Variants in ADAMTS14 observed in about 807,000 individuals in gnomAD.
ADAMTS14 encodes A disintegrin and metalloproteinase with thrombospondin motifs 14.
A neutral mutation model predicts 128.6 loss-of-function variants in ADAMTS14; 100 were observed. That is an observed-to-expected ratio of 0.78 (90% CI 0.66 to 0.92). The LOEUF is 0.92. Ranked by LOEUF, ADAMTS14 falls within the 40% of genes least tolerant of loss-of-function variation. The pLI, the probability that ADAMTS14 is intolerant of heterozygous loss-of-function variation, is 0.00. For synonymous variants in ADAMTS14, 665 were observed against 653.8 expected (o/e 1.02, Z -0.26); for missense variants, 1,562 against 1,658.6 (o/e 0.94, Z 1.01).
At chr10:70,725,550 G>A (rs1158650406) in intron 4 of ADAMTS14, among the ~76,000 whole-genome samples, 2 of 152,194 alleles carry the variant, frequency 1.3e-5, no homozygotes, top group Non-Finnish European at 2.9e-5. Flanking sequence ...CATAGATGGT[G>A]ACTTCTCACT....
intron 15 of ADAMTS14, among the ~76,000 whole-genome samples, 186 bp from the exon 16 acceptor site, chr10:70,749,636 T>TGTGTGTGTGC (rs1491491341): frequency 6.9e-6 from 1 of 145,926 alleles, no homozygotes; most frequent in South Asian, 2.1e-4. Flanking sequence ...TGTGTGTGTG[T>TGTGTGTGTGC]GCGCGCACGT....
At chr10:70,700,700 A>G (rs1041374402) in intron 2 of ADAMTS14, among the ~76,000 whole-genome samples, 4 of 152,108 alleles carry the variant, frequency 2.6e-5, no homozygotes, top group African/African-American at 9.7e-5. Flanking sequence ...AACCTGATGG[A>G]TAGTCATCCT....
chr10:70,758,700 G>A (rs1309150099), intron 21 of ADAMTS14, among the ~76,000 whole-genome samples: 2 of 152,140 alleles, frequency 1.3e-5, no homozygotes, highest in Admixed American at 1.3e-4. Context: ...AATATTTTCA[G>A]ACAAGCAATT....
chr10:70,724,839 C>T (rs574258047), intron 4 of ADAMTS14, among the ~76,000 whole-genome samples: 43 of 152,220 alleles, frequency 2.8e-4, no homozygotes, highest in Admixed American at 8.5e-4. Flanking sequence ...TTTTTATCAT[C>T]CTTATTTAGT....
In ADAMTS14 at chr10:70,749,809, C is replaced by T; in HGVS notation, c.2264-13C>T. The stretch of plus-strand genomic sequence containing the variant: ...AGCAGAAATCTGTGTGACCCTCTCC[C>T]CCCACCGGTCAGTGGTGAAGAACCA... On this transcript the variant is annotated splice_polypyrimidine_tract_variant and intron_variant, in intron 15 of 21. Coordinates refer to ENST00000373207, the MANE Select transcript of ADAMTS14 (RefSeq NM_080722.4). 6.2e-7 allele frequency: 1 copy of T among 1,612,950 alleles called. No homozygotes were observed. The highest frequency in any genetic ancestry group is 8.5e-7 in the Non-Finnish European group (1 of 1,179,382).
chr10:70,729,433 G>A, intron 5 of ADAMTS14, 56 bp downstream of exon 5: 1 of 1,437,320 alleles, frequency 7.0e-7, no homozygotes. Context: ...TGGGGCCAGA[G>A]TGTTGGACCA....
intron 2 of ADAMTS14, among the ~76,000 whole-genome samples, chr10:70,694,394 C>T (rs1041426519): frequency 7.2e-5 from 11 of 152,174 alleles, no homozygotes; most frequent in African/African-American, 2.7e-4. Context: ...CCACGCAATT[C>T]GCCCATTTAA....
rs267602564 is a variant in ADAMTS14, at chr10:70,738,964, C to T, written c.1722C>T (p.Ser574=). 6.2e-7 allele frequency: 1 copy of T among 1,612,416 alleles called. No individual in the cohort carries two copies. The highest frequency in any genetic ancestry group is 1.1e-5 in the South Asian group (1 of 90,966). The stretch of plus-strand genomic sequence containing the variant: ...GGTCATGTGGGGGCGGGGTGCGATC[C>T]CGCAGCCGGAGCTGCAACAACCCCT... The part of the protein sequence containing the change: ...CSRSCGGGVR[S]RSRSCNNPSP... The change falls in exon 11 of 22, where the codon TCC becomes TCT. Residue 574 remains serine, a synonymous_variant. Transcript: ENST00000373207.
At position 70,759,129 on chromosome 10, in the gene ADAMTS14, T is replaced by TTTTTTTTTGAG. The variant is rs1485675752; in HGVS notation, c.3178+844_3178+845insTTTTTTTTGAG. Among the ~76,000 whole-genome samples, 3 of 112,610 alleles carry TTTTTTTTTGAG rather than the reference T, an allele frequency of 2.7e-5. 1 individual carries two copies. Among genetic ancestry groups the TTTTTTTTTGAG allele is most frequent in the Non-Finnish European group, 5.6e-5 (3 of 53,802 alleles). The allele number at this position is 112,610 out of a possible 152,430, so 73.9% of individuals were successfully genotyped here. A position where few individuals can be genotyped will look rare whatever the true frequency, so the allele number is the denominator to read the frequency against. ...AAAGGACCTTCTACCTCCAATCTTC[T>TTTTTTTTTGAG]ACTTCTCTGCTCCTAGGCTGAGGTT... On this transcript the variant is annotated intron_variant, in intron 21 of 21. Transcript: ENST00000373207.
chr10:70,733,863 T>G, intron 7 of ADAMTS14, 22 bp from the exon 8 acceptor site: 1 of 1,604,262 alleles, frequency 6.2e-7, no homozygotes, highest in East Asian at 2.2e-5. Context: ...GTATCAGGAC[T>G]CCTCTGTCTT....
intron 12 of ADAMTS14, among the ~76,000 whole-genome samples, chr10:70,742,003 G>C (rs760743690): frequency 2.6e-5 from 4 of 152,172 alleles, no homozygotes; most frequent in Non-Finnish European, 5.9e-5. Flanking sequence ...CCATCAGGAC[G>C]GGCTTTCCTC....
intron 8 of ADAMTS14, among the ~76,000 whole-genome samples, chr10:70,734,929 G>T (rs899298780): frequency 1.3e-5 from 2 of 152,208 alleles, no homozygotes; most frequent in African/African-American, 4.8e-5. Flanking sequence ...ATCCCAGTCT[G>T]GGTACCCTTG....
At chr10:70,715,474 G>A (rs1415920816) in intron 4 of ADAMTS14, among the ~76,000 whole-genome samples, 1 of 152,104 alleles carries the variant, frequency 6.6e-6, no homozygotes, top group East Asian at 1.9e-4. Context: ...GAGTGGCCTG[G>A]TCTGAGCCCC....
chr10:70,681,050 C>T (rs1839786175), intron 2 of ADAMTS14, among the ~76,000 whole-genome samples: 1 of 152,146 alleles, frequency 6.6e-6, no homozygotes, highest in African/African-American at 2.4e-5. Context: ...TCTGACTGGC[C>T]CTTGGCCAAG....
At chr10:70,746,723 A>G (rs1842190246) in intron 15 of ADAMTS14, among the ~76,000 whole-genome samples, 1 of 152,208 alleles carries the variant, frequency 6.6e-6, no homozygotes, top group South Asian at 2.1e-4. Context: ...CTGAGGCAGG[A>G]GCGTCTCAAA....
chr10:70,683,373 G>A (rs1839871496), intron 2 of ADAMTS14, among the ~76,000 whole-genome samples: 1 of 152,244 alleles, frequency 6.6e-6, no homozygotes, highest in Non-Finnish European at 1.5e-5. Context: ...CACGAAACAA[G>A]AAAGGGAGTC....
At chr10:70,694,189 C>T (rs1030562554) in intron 2 of ADAMTS14, among the ~76,000 whole-genome samples, 2 of 152,226 alleles carry the variant, frequency 1.3e-5, no homozygotes, top group East Asian at 1.9e-4. Flanking sequence ...CTCCCGCTTC[C>T]GTGGTAGCAG....
At chr10:70,756,290 C>T (rs2132755107) in intron 19 of ADAMTS14, among the ~76,000 whole-genome samples, 2 of 152,234 alleles carry the variant, frequency 1.3e-5, no homozygotes, top group East Asian at 3.9e-4. Flanking sequence ...TGAAATATTG[C>T]ATTATGAATA....
chr10:70,727,235 A>G (rs1841464813), intron 4 of ADAMTS14, among the ~76,000 whole-genome samples: 1 of 152,206 alleles, frequency 6.6e-6, no homozygotes, highest in African/African-American at 2.4e-5. Flanking sequence ...CAGAAGGGGT[A>G]TGCCAGCAAA....
Sources: allele counts gnomAD v4.1 joint callset (sites outside exome capture counted in the v4.1 genomes callset), GRCh38; gene constraint gnomAD v4.1.1; transcripts MANE v1.5; gene names NCBI Gene and HGNC (gene_info 2026-07-23, HGNC 2026-07-21).